The following MACROD2 variants were observed in gnomAD, a reference collection of about 807,000 sequenced individuals.
MACROD2 encodes the protein ADP-ribose glycohydrolase MACROD2.
MACROD2 carries 36 observed loss-of-function variants against 70.4 expected under a neutral mutation model. That is an observed-to-expected ratio of 0.51 (90% CI 0.39 to 0.68). The LOEUF is 0.68. Among genes scored for constraint, MACROD2 ranks in the 30% least tolerant of loss-of-function variants. The pLI is 0.00. For synonymous variants in MACROD2, 172 were observed against 178.8 expected (o/e 0.96, Z 0.30); for missense variants, 496 against 538.4 (o/e 0.92, Z 0.78).
chr20:14,544,545 A>C (rs915475477), intron 4 of MACROD2, among the ~76,000 whole-genome samples: 4 of 152,148 alleles, frequency 2.6e-5, no homozygotes, highest in Non-Finnish European at 4.4e-5. Context: ...GTAAGTAGTG[A>C]GCACTCTTAT....
chr20:15,893,843 G>A (rs6135591), intron 10 of MACROD2: 66,107 of 456,660 alleles, frequency 0.14, 6,095 homozygotes, highest in East Asian at 0.43. Flanking sequence ...GGAAGCAGAA[G>A]TGCAGGATAA....
intron 2 of MACROD2, among the ~76,000 whole-genome samples, chr20:14,075,703 T>G (rs2053908414): frequency 6.6e-6 from 1 of 152,176 alleles, no homozygotes; most frequent in South Asian, 2.1e-4. Context: ...TCTGCCAGAC[T>G]TTTTCTTCCC....
intron 3 of MACROD2, among the ~76,000 whole-genome samples, chr20:14,295,669 T>C (rs936536513): frequency 6.6e-6 from 1 of 151,746 alleles, no homozygotes; most frequent in Non-Finnish European, 1.5e-5. Flanking sequence ...ATTTGTAGAG[T>C]TTCCAATATG....
intron 3 of MACROD2, among the ~76,000 whole-genome samples, chr20:14,182,650 C>A (rs564122654): frequency 6.6e-6 from 1 of 151,982 alleles, no homozygotes; most frequent in Non-Finnish European, 1.5e-5. Context: ...TTTGGTCTGT[C>A]TTGAGTTAAA....
At chr20:15,895,673 G>A (rs185429166) in intron 10 of MACROD2, among the ~76,000 whole-genome samples, 74 of 152,280 alleles carry the variant, frequency 4.9e-4, no homozygotes, top group Admixed American at 3.5e-3. Flanking sequence ...GACCACAGCC[G>A]CTTATAAAAA....
chr20:14,189,849 T>C (rs1474266812), intron 3 of MACROD2, among the ~76,000 whole-genome samples: 1 of 152,194 alleles, frequency 6.6e-6, no homozygotes, highest in African/African-American at 2.4e-5. Context: ...ATGGTATTCT[T>C]ATGAAAATCT....
intron 5 of MACROD2, among the ~76,000 whole-genome samples, chr20:15,217,878 T>G (rs1318361120): frequency 6.6e-6 from 1 of 152,164 alleles, no homozygotes; most frequent in Non-Finnish European, 1.5e-5. Flanking sequence ...TTCGAGTGCT[T>G]TTACATTAAT....
chr20:15,519,187 T>G (rs1243874752), intron 8 of MACROD2, among the ~76,000 whole-genome samples: 1 of 151,968 alleles, frequency 6.6e-6, no homozygotes, highest in East Asian at 1.9e-4. Context: ...CTCGGCTCAC[T>G]GCAAGCTCCG....
At chr20:14,139,736 A>G (rs1056955788) in intron 3 of MACROD2, among the ~76,000 whole-genome samples, 5 of 152,200 alleles carry the variant, frequency 3.3e-5, no homozygotes, top group African/African-American at 1.2e-4. Context: ...ACAGCATATT[A>G]CAAGAAAGTC....
At chr20:14,503,160 A>G (rs141096728) in intron 4 of MACROD2, among the ~76,000 whole-genome samples, 243 of 152,312 alleles carry the variant, frequency 1.6e-3, no homozygotes, top group Middle Eastern at 3.4e-3. Context: ...AATAGAGTTA[A>G]TGGCCCACCC....
intron 5 of MACROD2, among the ~76,000 whole-genome samples, chr20:15,087,813 A>G (rs2075760028): frequency 6.6e-6 from 1 of 152,048 alleles, no homozygotes; most frequent in Admixed American, 6.6e-5. Flanking sequence ...GTAATATAGA[A>G]AAAGTTCTCA....
At chr20:14,975,469 G>A (rs1230879622) in intron 5 of MACROD2, among the ~76,000 whole-genome samples, 2 of 152,126 alleles carry the variant, frequency 1.3e-5, no homozygotes, top group East Asian at 1.9e-4. Flanking sequence ...TGGCAGCAGA[G>A]GGAAGGCGCA....
At chr20:14,423,253 T>TTTTTTG (rs1180033373) in intron 3 of MACROD2, among the ~76,000 whole-genome samples, 1 of 152,156 alleles carries the variant, frequency 6.6e-6, no homozygotes. Context: ...AGATAGGTTT[T>TTTTTTG]TTTTTGTTTT....
intron 3 of MACROD2, among the ~76,000 whole-genome samples, chr20:14,159,839 G>A (rs1051256741): frequency 2.0e-5 from 3 of 152,218 alleles, no homozygotes; most frequent in Non-Finnish European, 4.4e-5. Flanking sequence ...TCCTCATTGA[G>A]TATAATGTTA....
In MACROD2 at chr20:14,721,389, A is replaced by G. The variant is rs181955381; in HGVS notation, c.418+36430A>G. On this transcript the variant is annotated intron_variant, in intron 5 of 17. Transcript: ENST00000684519. ...TCCAGCCTGGGTGACAGAGCGAGAT[A>G]CTGTCTCAAAAACAAATGAACCAGA... Among the ~76,000 whole-genome samples, 80 of 152,248 alleles carry G rather than the reference A, an allele frequency of 5.3e-4. 3 individuals carry two copies. Among genetic ancestry groups the G allele is most frequent in the Admixed American group, 4.8e-3 (73 of 15,286 alleles).
At chr20:15,819,463 A>G (rs959488328) in intron 8 of MACROD2, among the ~76,000 whole-genome samples, 6 of 145,458 alleles carry the variant, frequency 4.1e-5, no homozygotes, top group Admixed American at 7.0e-5. Context: ...ATAAATATAT[A>G]AGTATATAAA....
Position 14,616,609 on chromosome 20 carries a change from G to A in MACROD2, c.302-68234G>A, listed in dbSNP as rs1472825777. 9.2e-5 allele frequency among the ~76,000 whole-genome samples: 14 copies of A among 152,108 alleles called. No homozygotes were observed. The East Asian group carries it at 9.7e-4, about 11-fold the overall frequency. ...AAGTGGAAAATTAAGTGATTTTTGC[G>A]GCTTCTTAACCTTGGAAGGAGGTCC... On this transcript the variant is annotated intron_variant, in intron 4 of 17. Coordinates refer to ENST00000684519, the MANE Select transcript of MACROD2 (RefSeq NM_001351661.2).
At chr20:14,109,505 T>A (rs2054418962) in intron 3 of MACROD2, among the ~76,000 whole-genome samples, 1 of 151,772 alleles carries the variant, frequency 6.6e-6, no homozygotes, top group Non-Finnish European at 1.5e-5. Context: ...AACCCATATT[T>A]AGCCAGACTA....
intron 3 of MACROD2, among the ~76,000 whole-genome samples, chr20:14,306,983 C>T (rs1312165335): frequency 6.7e-6 from 1 of 150,256 alleles, no homozygotes; most frequent in East Asian, 2.0e-4. Context: ...TTCTATACGC[C>T]TCAAAGTGTG....
Sources: gnomAD v4.1 joint callset for allele counts (sites outside exome capture counted in the v4.1 genomes callset) on GRCh38, gnomAD v4.1.1 for gene constraint, MANE v1.5 for transcripts, NCBI Gene and HGNC (gene_info 2026-07-23, HGNC 2026-07-21) for gene names.